Variants in MYO5B observed in about 807,000 individuals in gnomAD.
MYO5B encodes unconventional myosin-Vb.
Under a neutral mutation model 229.3 loss-of-function variants are expected in MYO5B, and 143 were observed. The observed-to-expected ratio is 0.62, with a 90% CI of 0.54 to 0.72. The LOEUF is 0.72. Among genes scored for constraint, MYO5B ranks in the 30% least tolerant of loss-of-function variants. MYO5B has a pLI of 0.00. For synonymous variants in MYO5B, 918 were observed against 885.2 expected (o/e 1.04, Z -0.66); for missense variants, 2,321 against 2,331.0 (o/e 1.00, Z 0.09).
At position 50,055,324 on chromosome 18, in the gene MYO5B, T is replaced by C. The variant is rs1406967601; in HGVS notation, c.82A>G (p.Thr28Ala). Reference sequence around the variant, plus strand: ...TTGTCTCCTTCTTTGTAGTCCTTGGTTAACTCAGCTGAGCGCCATACCTCA... The same window carrying C: ...TTGTCTCCTTCTTTGTAGTCCTTGGCTAACTCAGCTGAGCGCCATACCTCA... ...PDEVWRSAEL[T>A]KDYKEGDKSL... The change falls in exon 2 of 40, where the codon ACC becomes GCC. Residue 28 changes from threonine to alanine, a missense_variant. Transcript: ENST00000285039. The C allele has an allele frequency of 6.2e-7, 1 of 1,605,700 alleles. No homozygotes were observed. Among genetic ancestry groups the C allele is most frequent in the Non-Finnish European group, 8.5e-7 (1 of 1,175,748 alleles).
intron 1 of MYO5B, among the ~76,000 whole-genome samples, chr18:50,085,170 C>A (rs1386161342): frequency 6.6e-6 from 1 of 152,238 alleles, no homozygotes; most frequent in Admixed American, 6.5e-5. Context: ...ACTTATCTGA[C>A]AAAGGGCTAA....
intron 2 of MYO5B, among the ~76,000 whole-genome samples, chr18:50,043,306 A>T (rs1394832560): frequency 2.7e-5 from 3 of 112,876 alleles, no homozygotes; most frequent in African/African-American, 3.6e-5. Context: ...TATAATATAT[A>T]ATATAAATAT....
In MYO5B at chr18:50,147,955, A is replaced by G. The variant is rs2032532221; in HGVS notation, c.27+46812T>C. On this transcript the variant is annotated intron_variant, in intron 1 of 39. Transcript: ENST00000285039. The stretch of plus-strand genomic sequence containing the variant: ...CCACTAGCAAGACTAATAAAGAAAA[A>G]AAGAGAGAAGAATCAAATAGACACA... Among the ~76,000 whole-genome samples the G allele has an allele frequency of 2.0e-5, 3 of 152,228 alleles. No homozygotes were observed. The South Asian group carries it at 6.2e-4, about 32-fold the overall frequency.
At chr18:49,904,923 C>A in intron 19 of MYO5B, 95 bp from the exon 20 acceptor site, 1 of 1,455,164 alleles carries the variant, frequency 6.9e-7, no homozygotes, top group South Asian at 1.2e-5. Flanking sequence ...AAACCTCTCC[C>A]TCTGTGGCCC....
Position 50,137,948 on chromosome 18 carries a change from G to C in MYO5B, c.27+56819C>G, listed in dbSNP as rs567893476. Among the ~76,000 whole-genome samples, 3 of 152,278 alleles carry C rather than the reference G, an allele frequency of 2.0e-5. No homozygotes were observed. The South Asian group carries it at 6.2e-4, about 32-fold the overall frequency. On this transcript the variant is annotated intron_variant, in intron 1 of 39. Transcript: ENST00000285039. ...AAATGATAAGAATTATGAACACAAAGAAGGAAGTAACAGACATTGGTGCCT... is the reference window on the plus strand; with the variant it reads ...AAATGATAAGAATTATGAACACAAACAAGGAAGTAACAGACATTGGTGCCT...
At chr18:49,917,516 A>G (rs2025030388) in intron 17 of MYO5B, among the ~76,000 whole-genome samples, 1 of 151,158 alleles carries the variant, frequency 6.6e-6, no homozygotes, top group African/African-American at 2.4e-5. Context: ...AGAACAGGAC[A>G]CCTTCTCGAC....
chr18:50,086,111 A>G lies in MYO5B; in HGVS notation c.28-30733T>C, dbSNP rs374950971. ...AGATTTTAATTTTAAAATATGGCAGACTTTTTGAAGTACAGAGTTAAAGCA... is the reference window on the plus strand; with the variant it reads ...AGATTTTAATTTTAAAATATGGCAGGCTTTTTGAAGTACAGAGTTAAAGCA... On this transcript the variant is annotated intron_variant, in intron 1 of 39. Coordinates refer to ENST00000285039, the MANE Select transcript of MYO5B (RefSeq NM_001080467.3). Among the ~76,000 whole-genome samples, 14 of 152,258 alleles carry G rather than the reference A, an allele frequency of 9.2e-5. No homozygotes were observed. In the East Asian group the frequency reaches 2.5e-3, roughly 27 times the overall value.
chr18:50,116,441 G>C (rs1218549352), intron 1 of MYO5B, among the ~76,000 whole-genome samples: 1 of 152,120 alleles, frequency 6.6e-6, no homozygotes, highest in Admixed American at 6.5e-5. Flanking sequence ...AAGCAGTTCT[G>C]CCAATAAAGA....
At chr18:50,127,358 A>G (rs2032181235) in intron 1 of MYO5B, among the ~76,000 whole-genome samples, 1 of 152,210 alleles carries the variant, frequency 6.6e-6, no homozygotes, top group Non-Finnish European at 1.5e-5. Flanking sequence ...CAAGTTTTGA[A>G]CGCTTCACTT....
At chr18:50,190,324 T>C (rs1405525362) in intron 1 of MYO5B, among the ~76,000 whole-genome samples, 2 of 152,224 alleles carry the variant, frequency 1.3e-5, no homozygotes, top group Non-Finnish European at 1.5e-5. Flanking sequence ...TCTGGATCTA[T>C]GCAAAGCAAA....
At chr18:49,850,709 C>T (rs2024190025) in intron 31 of MYO5B, 1 of 152,260 alleles carries the variant, frequency 6.6e-6, no homozygotes, top group African/African-American at 2.4e-5. Context: ...CCTGTGAACC[C>T]TGAGTTCTAC....
At position 49,921,820 on chromosome 18, in the gene MYO5B, G is replaced by C. The variant is rs143902921; in HGVS notation, c.2090+7692C>G. Among the ~76,000 whole-genome samples, 176 of 152,352 alleles carry C rather than the reference G, an allele frequency of 1.2e-3. 2 individuals are homozygous for C. The highest frequency in any genetic ancestry group is 4.1e-3 in the African/African-American group (171 of 41,588). ...CAGCCCTGTGGATAATTCATCACAG[G>C]CTTCTGCAGTCCTGGGATGACGCAT... On this transcript the variant is annotated intron_variant, in intron 17 of 39. Coordinates refer to ENST00000285039, the MANE Select transcript of MYO5B (RefSeq NM_001080467.3).
chr18:49,998,502 A>T (rs2026013483), intron 5 of MYO5B, among the ~76,000 whole-genome samples: 1 of 152,200 alleles, frequency 6.6e-6, no homozygotes, highest in Admixed American at 6.5e-5. Context: ...TACTCAGGCT[A>T]TAATGGATAT....
intron 7 of MYO5B, 86 bp downstream of exon 7, chr18:49,990,353 C>CG: frequency 8.8e-7 from 1 of 1,142,428 alleles, no homozygotes; most frequent in Non-Finnish European, 1.3e-6. Context: ...GAACCCATGA[C>CG]GGAGGGCTTT....
intron 25 of MYO5B, among the ~76,000 whole-genome samples, chr18:49,877,141 G>A (rs1208317581): frequency 3.3e-5 from 5 of 152,072 alleles, no homozygotes; most frequent in African/African-American, 4.8e-5. Context: ...GCACACACAC[G>A]CGCGCATGTG....
chr18:50,032,253 A>AT (rs1183202886), intron 4 of MYO5B, among the ~76,000 whole-genome samples: 1 of 152,128 alleles, frequency 6.6e-6, no homozygotes, highest in Non-Finnish European at 1.5e-5. Context: ...TAATTCTATG[A>AT]TTTTTAGTAC....
At chr18:49,874,512 T>G (rs879906112) in intron 26 of MYO5B, among the ~76,000 whole-genome samples, 96 of 152,314 alleles carry the variant, frequency 6.3e-4, no homozygotes, top group African/African-American at 2.2e-3. Context: ...CTGAGAGATT[T>G]AAACCCATCG....
intron 1 of MYO5B, among the ~76,000 whole-genome samples, chr18:50,065,593 C>T (rs1382061031): frequency 6.6e-6 from 1 of 152,194 alleles, no homozygotes; most frequent in East Asian, 1.9e-4. Flanking sequence ...ATCCACTCAT[C>T]TCCTACCAGG....
intron 31 of MYO5B, chr18:49,850,745 G>A (rs188402780): frequency 5.2e-5 from 8 of 152,566 alleles, no homozygotes; most frequent in Admixed American, 3.9e-4. Flanking sequence ...CCTGTTAGGT[G>A]CCTTGCCAAG....
Sources: allele counts gnomAD v4.1 joint callset (sites outside exome capture counted in the v4.1 genomes callset), GRCh38; gene constraint gnomAD v4.1.1; transcripts MANE v1.5; gene names NCBI Gene and HGNC (gene_info 2026-07-23, HGNC 2026-07-21).